Variants in REV1 observed in about 807,000 individuals in gnomAD.
The protein encoded by REV1 is REV1 DNA directed polymerase.
REV1 carries 42 observed loss-of-function variants against 137.4 expected under a neutral mutation model. The observed-to-expected ratio is 0.31, with a 90% CI of 0.24 to 0.40. REV1 has a LOEUF of 0.40. Among genes scored for constraint, REV1 ranks in the 10% least tolerant of loss-of-function variants. The probability of loss-of-function intolerance (pLI) is 1.00; values close to 1 mark genes in which losing one functional copy is unlikely to be tolerated. For synonymous variants in REV1, 524 were observed against 519.2 expected (o/e 1.01, Z -0.12); for missense variants, 1,282 against 1,490.1 (o/e 0.86, Z 2.30).
At chr2:99,486,599 T>C (rs1268136032) in intron 1 of REV1, among the ~76,000 whole-genome samples, 1 of 152,002 alleles carries the variant, frequency 6.6e-6, no homozygotes, top group Non-Finnish European at 1.5e-5. Flanking sequence ...ACCATAATCC[T>C]GTGAGGTAGG....
intron 6 of REV1, among the ~76,000 whole-genome samples, chr2:99,436,986 TTTTG>T (rs1399257213): frequency 4.8e-5 from 7 of 146,814 alleles, no homozygotes; most frequent in Admixed American, 1.4e-4. Context: ...CCAACTTTTT[TTTTG>T]TTTTTTTTTT....
intron 12 of REV1, among the ~76,000 whole-genome samples, chr2:99,416,467 A>C (rs1677877572): frequency 1.3e-5 from 2 of 152,308 alleles, no homozygotes; most frequent in East Asian, 3.9e-4. Context: ...CAGGTTAAGG[A>C]TTTGGGGATT....
rs1477580259 is a variant in REV1, at chr2:99,436,987, TTTG to T, written c.1214-1049_1214-1047del. On this transcript the variant is annotated intron_variant, in intron 6 of 22. Transcript: ENST00000258428. ...TACCTAATTCTCCCCCAACTTTTTT[TTTG>T]TTTTTTTTTTTTTTTTGAGATAGGG... Among the ~76,000 whole-genome samples, 5 of 146,880 alleles carry T rather than the reference TTTG, an allele frequency of 3.4e-5. No individual in the cohort carries two copies. In the East Asian group the frequency reaches 6.1e-4, roughly 18 times the overall value.
chr2:99,412,667 A>T, intron 13 of REV1, 64 bp downstream of exon 13: 1 of 1,180,166 alleles, frequency 8.5e-7, no homozygotes, highest in East Asian at 2.4e-5. Context: ...GTTTAGTTGT[A>T]GAGGTAGGAC....
chr2:99,486,605 G>GT (rs1016622350), intron 1 of REV1, among the ~76,000 whole-genome samples: 33 of 152,140 alleles, frequency 2.2e-4, no homozygotes, highest in African/African-American at 7.2e-4. Flanking sequence ...ATCCTGTGAG[G>GT]TAGGTATTAT....
intron 3 of REV1, 94 bp downstream of exon 3, chr2:99,462,402 A>G (rs1406286053): frequency 1.2e-5 from 14 of 1,162,152 alleles, no homozygotes; most frequent in Non-Finnish European, 1.7e-5. Flanking sequence ...TCATTTGTCT[A>G]TAATAAATGA....
At chr2:99,459,806 G>A (rs1683973301) in intron 3 of REV1, among the ~76,000 whole-genome samples, 3 of 152,156 alleles carry the variant, frequency 2.0e-5, no homozygotes, top group Admixed American at 2.0e-4. Context: ...GGGAAGAATA[G>A]GTTGACAGGT....
chr2:99,484,470 T>G (rs1270961852), intron 1 of REV1, among the ~76,000 whole-genome samples: 22 of 152,208 alleles, frequency 1.4e-4, no homozygotes, highest in Non-Finnish European at 1.5e-5. Context: ...AATTTAGCCC[T>G]GAGCAAACTT....
intron 12 of REV1, among the ~76,000 whole-genome samples, 199 bp from the exon 13 acceptor site, chr2:99,413,150 C>T (rs1301442596): frequency 6.6e-6 from 1 of 152,182 alleles, no homozygotes; most frequent in Non-Finnish European, 1.5e-5. Context: ...CTAGACTCTA[C>T]TTCTCAATTT....
At chr2:99,432,663 C>A (rs554517286) in intron 8 of REV1, among the ~76,000 whole-genome samples, 19 of 152,144 alleles carry the variant, frequency 1.2e-4, no homozygotes, top group African/African-American at 4.3e-4. Flanking sequence ...TTTCTAGTGA[C>A]GGGACAATCT....
At chr2:99,437,911 G>A (rs993871228) in intron 6 of REV1, among the ~76,000 whole-genome samples, 5 of 151,996 alleles carry the variant, frequency 3.3e-5, no homozygotes, top group Non-Finnish European at 7.4e-5. Context: ...ACAGAACCAT[G>A]AGCTTCTCTC....
At chr2:99,409,859 C>CT (rs1380439599) in intron 14 of REV1, among the ~76,000 whole-genome samples, 1 of 130,526 alleles carries the variant, frequency 7.7e-6, no homozygotes, top group Non-Finnish European at 1.7e-5. Flanking sequence ...AACAACCCCC[C>CT]CCCCCCCCAA....
At chr2:99,483,225 T>A (rs2104285212) in intron 1 of REV1, among the ~76,000 whole-genome samples, 1 of 152,008 alleles carries the variant, frequency 6.6e-6, no homozygotes, top group South Asian at 2.1e-4. Flanking sequence ...GAGCAAAAAA[T>A]CTAAGTAGTT....
At chr2:99,443,417 T>C (rs1681763033) in intron 4 of REV1, among the ~76,000 whole-genome samples, 1 of 152,200 alleles carries the variant, frequency 6.6e-6, no homozygotes, top group Non-Finnish European at 1.5e-5. Flanking sequence ...TCTTAAATGG[T>C]GTCACACAAA....
Position 99,489,995 on chromosome 2 carries a change from C to CCG in REV1, c.-191_-190dup. On this transcript the variant is annotated 5_prime_UTR_variant, in exon 1 of 23. Transcript: ENST00000258428. ...TCCCCCACGCTCGCGGCAACCAACCCCGCGCGCGCTCCGCGGTGGCTCTCC... is the reference window on the plus strand; with the variant it reads ...TCCCCCACGCTCGCGGCAACCAACCCCGCGCGCGCGCTCCGCGGTGGCTCTCC... The CCG allele has an allele frequency of 6.7e-6, 1 of 149,980 alleles. No individual in the cohort carries two copies. The highest frequency in any genetic ancestry group is 2.0e-4 in the East Asian group (1 of 5,074). 9.3% of individuals were successfully genotyped at this position (149,980 alleles called of 1,614,324 possible). A position where few individuals can be genotyped will look rare whatever the true frequency, so the allele number is the denominator to read the frequency against.
At chr2:99,436,743 T>C (rs1023043028) in intron 6 of REV1, 2 of 152,212 alleles carry the variant, frequency 1.3e-5, no homozygotes, top group African/African-American at 4.8e-5. Flanking sequence ...TCCTCTATTA[T>C]CAGTCTCATC....
At chr2:99,453,763 C>T (rs778461211) in intron 3 of REV1, among the ~76,000 whole-genome samples, 3 of 151,766 alleles carry the variant, frequency 2.0e-5, no homozygotes, top group South Asian at 2.1e-4. Flanking sequence ...CATGGTAACA[C>T]GCGCCTGTAG....
chr2:99,409,611 C>G (rs1487396648), intron 14 of REV1, among the ~76,000 whole-genome samples: 4 of 152,062 alleles, frequency 2.6e-5, no homozygotes, highest in Non-Finnish European at 5.9e-5. Context: ...TGGGAGGCTG[C>G]GGTGGGCGGA....
chr2:99,433,407 T>C (rs907707930), intron 8 of REV1, among the ~76,000 whole-genome samples: 6 of 152,194 alleles, frequency 3.9e-5, no homozygotes, highest in South Asian at 2.1e-4. Context: ...TCTGCAATTA[T>C]GTTATTTCAT....
Sources: allele counts gnomAD v4.1 joint callset (sites outside exome capture counted in the v4.1 genomes callset), GRCh38; gene constraint gnomAD v4.1.1; transcripts MANE v1.5; gene names NCBI Gene and HGNC (gene_info 2026-07-23, HGNC 2026-07-21).